The following EEF2KMT variants were observed in gnomAD, a reference collection of about 807,000 sequenced individuals.
The protein encoded by EEF2KMT is protein-lysine N-methyltransferase EEF2KMT.
EEF2KMT carries 30 observed loss-of-function variants against 35.1 expected under a neutral mutation model. The observed-to-expected ratio is 0.85, with a 90% CI of 0.64 to 1.16. The LOEUF (loss-of-function observed/expected upper bound fraction) is 1.16. EEF2KMT is among the 50% of genes most tolerant of loss of function. The pLI, the probability that EEF2KMT is intolerant of heterozygous loss-of-function variation, is 0.00. For synonymous variants in EEF2KMT, 190 were observed against 187.7 expected (o/e 1.01, Z -0.10); for missense variants, 499 against 438.2 (o/e 1.14, Z -1.24).
At position 5,090,083 on chromosome 16, in the gene EEF2KMT, C is replaced by T. The variant is rs752139712; in HGVS notation, c.742+1G>A. 3.6e-5 allele frequency: 58 copies of T among 1,603,874 alleles called. 1 individual carries two copies. In the South Asian group the frequency reaches 6.3e-4, roughly 17 times the overall value. ...ACAGGGTGCCCGGGGCTGGGCATTA[C>T]CTGCTGCAATGACAACATCTGGCTG... On this transcript the variant is annotated splice_donor_variant, in intron 6 of 7. Transcript: ENST00000427587. LOFTEE classifies it high-confidence loss of function. This position sits in a 1 kb window ranked among gnomAD's most constrained non-coding sequence, Gnocchi z 4.1.
At chr16:5,093,336 G>A in intron 3 of EEF2KMT, 148 bp downstream of exon 3, 1 of 1,233,184 alleles carries the variant, frequency 8.1e-7, no homozygotes, top group South Asian at 1.3e-5. Context: ...GTCTCCCATG[G>A]GTCACATGTG....
chr16:5,095,083 G>T (rs1957426646), intron 2 of EEF2KMT, among the ~76,000 whole-genome samples: 1 of 152,212 alleles, frequency 6.6e-6, no homozygotes, highest in Admixed American at 6.5e-5. Flanking sequence ...AGAGGAGACA[G>T]GAGTGGGCAG....
chr16:5,094,969 G>C (rs1477028712), intron 2 of EEF2KMT, among the ~76,000 whole-genome samples: 2 of 152,332 alleles, frequency 1.3e-5, no homozygotes, highest in South Asian at 4.1e-4. Context: ...CAAGGCCAAG[G>C]TCAGGCTGTG....
Position 5,089,417 on chromosome 16 carries a change from A to G in EEF2KMT, c.743-161T>C, listed in dbSNP as rs1330284373. On this transcript the variant is annotated intron_variant, in intron 6 of 7. Transcript: ENST00000427587. ...AGATGGAAAGGCAATTACTTGGGTG[A>G]AAAAGGAGAACCCTTAGTAGAGAAA... 5.2e-6 allele frequency: 5 copies of G among 965,382 alleles called. No individual in the cohort carries two copies. In the East Asian group the frequency reaches 1.1e-4, roughly 20 times the overall value. The allele number at this position is 965,382 out of a possible 1,614,324, so 59.8% of individuals were successfully genotyped here.
chr16:5,084,917 C>T lies in EEF2KMT; in HGVS notation c.*715G>A. The stretch of plus-strand genomic sequence containing the variant: ...AGAGGCTAAAACCCCAGGACCCCTG[C>T]TGTCCTTCCCGCAGCTTCTTCTTGG... On this transcript the variant is annotated 3_prime_UTR_variant, in exon 8 of 8. Transcript: ENST00000427587. 8 of 1,596,416 alleles carry T rather than the reference C, an allele frequency of 5.0e-6. No individual in the cohort carries two copies. Among genetic ancestry groups the T allele is most frequent in the Non-Finnish European group, 6.8e-6 (8 of 1,179,746 alleles).
At chr16:5,094,047 G>A (rs1421133168) in intron 2 of EEF2KMT, among the ~76,000 whole-genome samples, 4 of 152,138 alleles carry the variant, frequency 2.6e-5, no homozygotes, top group Non-Finnish European at 5.9e-5. Context: ...TCTAGGCAGT[G>A]GGAACAGCTG....
rs1416938172 is a variant in EEF2KMT at position 5,085,739 on chromosome 16, A to G, written c.893-7T>C. ...CATCTGATCCCGGCCCGGCCTGGAA[A>G]CAGAGCACATGTGTTTGAGGATGGC... is the stretch of plus-strand genomic sequence containing the variant. On this transcript the variant is annotated splice_region_variant and splice_polypyrimidine_tract_variant and intron_variant, in intron 7 of 7. Coordinates refer to ENST00000427587, the MANE Select transcript of EEF2KMT (RefSeq NM_201400.4). 6.2e-7 allele frequency: 1 copy of G among 1,605,246 alleles called. No individual in the cohort carries two copies. The highest frequency in any genetic ancestry group is 1.3e-5 in the African/African-American group (1 of 74,804).
rs567049749 is a variant in EEF2KMT, at chr16:5,089,087, G to C, written c.892+20C>G. On this transcript the variant is annotated intron_variant, in intron 7 of 7. Coordinates refer to ENST00000427587, the MANE Select transcript of EEF2KMT (RefSeq NM_201400.4). Reference sequence around the variant, plus strand: ...GACAGCTCAGGGACCATGCAGGCCCGGGTGGGCGTGGAGGCTCACCTAGCT... The same window carrying C: ...GACAGCTCAGGGACCATGCAGGCCCCGGTGGGCGTGGAGGCTCACCTAGCT... 46 of 1,611,796 alleles carry C rather than the reference G, an allele frequency of 2.9e-5. No individual in the cohort carries two copies. The highest frequency in any genetic ancestry group is 1.3e-4 in the African/African-American group (10 of 74,896).
chr16:5,093,372 C>G (rs1191765360), intron 3 of EEF2KMT, 112 bp downstream of exon 3: 8 of 1,545,734 alleles, frequency 5.2e-6, no homozygotes, highest in Non-Finnish European at 6.2e-6. Flanking sequence ...CTGGGGAGGC[C>G]CCTGCCATGC....
In EEF2KMT at chr16:5,090,575, G is replaced by A. The variant is rs754521245; in HGVS notation, c.343-10C>T. On this transcript the variant is annotated splice_polypyrimidine_tract_variant and intron_variant, in intron 4 of 7. Coordinates refer to ENST00000427587, the MANE Select transcript of EEF2KMT (RefSeq NM_201400.4). The surrounding 1 kb of genome is among the most constrained non-coding windows in gnomAD (Gnocchi z 4.1). ...CCGAGCCTCCCGAGGGCTGCACCAA[G>A]AGAAGGCGAGAGAGTCAGTCCAGCG... The A allele has an allele frequency of 6.2e-7, 1 of 1,611,828 alleles. No individual in the cohort carries two copies. Among genetic ancestry groups the A allele is most frequent in the African/African-American group, 1.3e-5 (1 of 74,864 alleles).
intron 7 of EEF2KMT, among the ~76,000 whole-genome samples, chr16:5,088,143 T>A (rs2142752849): frequency 6.6e-6 from 1 of 152,194 alleles, no homozygotes; most frequent in South Asian, 2.1e-4. Flanking sequence ...GGTCCCACTA[T>A]GTGGCCCAGG....
At chr16:5,089,052 G>A (rs1432452670) in intron 7 of EEF2KMT, 55 bp downstream of exon 7, 18 of 1,609,204 alleles carry the variant, frequency 1.1e-5, no homozygotes, top group South Asian at 9.9e-5. Context: ...TTCCACTGGC[G>A]TCCTGCAGGG....
At chr16:5,091,278 C>T (rs1293445578) in intron 4 of EEF2KMT, among the ~76,000 whole-genome samples, 3 of 152,182 alleles carry the variant, frequency 2.0e-5, no homozygotes, top group Admixed American at 6.5e-5. Context: ...GATGGAGTTT[C>T]ACCATGTTGG....
chr16:5,084,333 A>G lies in EEF2KMT; in HGVS notation c.*1299T>C, dbSNP rs553994403. On this transcript the variant is annotated 3_prime_UTR_variant, in exon 8 of 8. Coordinates refer to ENST00000427587, the MANE Select transcript of EEF2KMT (RefSeq NM_201400.4). ...TTCCAATAAAACTTTATTTACAAAC[A>G]CAGGCTGTGGGCTGGATTTGGCCTG... 3 of 368,458 alleles carry G rather than the reference A, an allele frequency of 8.1e-6. No homozygotes were observed. Among genetic ancestry groups the G allele is most frequent in the African/African-American group, 2.1e-5 (1 of 48,074 alleles). The allele number at this position is 368,458 out of a possible 1,614,324, so 22.8% of individuals were successfully genotyped here. A position where few individuals can be genotyped will look rare whatever the true frequency, so the allele number is the denominator to read the frequency against.
rs1063200 is a variant in EEF2KMT, at chr16:5,085,059, T to C, written c.*573A>G. 2 of 1,184,818 alleles carry C rather than the reference T, an allele frequency of 1.7e-6. 1 individual carries two copies. Among genetic ancestry groups the C allele is most frequent in the South Asian group, 2.8e-5 (2 of 71,628 alleles). 73.4% of individuals were successfully genotyped at this position (1,184,818 alleles called of 1,614,324 possible). A position where few individuals can be genotyped will look rare whatever the true frequency, so the allele number is the denominator to read the frequency against. The stretch of plus-strand genomic sequence containing the variant: ...GTGACCCGGGAAGCTTTGGTTGGCC[T>C]TGATTTCTTCTCTGGAGGCTTGGAA... On this transcript the variant is annotated 3_prime_UTR_variant, in exon 8 of 8. Coordinates refer to ENST00000427587, the MANE Select transcript of EEF2KMT (RefSeq NM_201400.4).
Position 5,091,860 on chromosome 16 carries a change from C to T in EEF2KMT, c.276G>A (p.Leu92=). 3.1e-6 allele frequency: 5 copies of T among 1,611,960 alleles called. No homozygotes were observed. The highest frequency in any genetic ancestry group is 4.2e-6 in the Non-Finnish European group (5 of 1,179,796). The change falls in exon 4 of 8, where the codon CTG becomes CTA. Residue 92 remains leucine (L), a synonymous_variant. Transcript: ENST00000427587. ...EAVHTEPLDE[L]YEALAETLMA... ...TCAGGGTCTCCGCCAGCGCTTCATA[C>T]AGCTCGTCCAAAGGCTCTGTGTGGA...
chr16:5,094,014 A>G (rs1596279507), intron 2 of EEF2KMT, among the ~76,000 whole-genome samples: 1 of 152,242 alleles, frequency 6.6e-6, no homozygotes, highest in Non-Finnish European at 1.5e-5. Context: ...AGCCCAGAGA[A>G]GCCAAATGCA....
intron 2 of EEF2KMT, among the ~76,000 whole-genome samples, chr16:5,094,999 C>T (rs1313395597): frequency 1.3e-5 from 2 of 152,202 alleles, no homozygotes; most frequent in African/African-American, 2.4e-5. Context: ...GGTGGTGATC[C>T]TGCCTCTCAC....
In EEF2KMT at chr16:5,090,608, G is replaced by A. The variant is rs1487945761; in HGVS notation, c.343-43C>T. ...GAGAGAGTCAGTCCAGCGATCAGAAGGCAAGTGGCTTAGAAGACAAGTAGC... is the reference window on the plus strand; with the variant it reads ...GAGAGAGTCAGTCCAGCGATCAGAAAGCAAGTGGCTTAGAAGACAAGTAGC... On this transcript the variant is annotated intron_variant, in intron 4 of 7. Coordinates refer to ENST00000427587, the MANE Select transcript of EEF2KMT (RefSeq NM_201400.4). The surrounding 1 kb of genome is among the most constrained non-coding windows in gnomAD (Gnocchi z 4.1). 2.5e-6 allele frequency: 4 copies of A among 1,611,218 alleles called. No individual in the cohort carries two copies. Among genetic ancestry groups the A allele is most frequent in the Non-Finnish European group, 3.4e-6 (4 of 1,179,318 alleles).
Sources: allele counts gnomAD v4.1 joint callset (sites outside exome capture counted in the v4.1 genomes callset), GRCh38; gene constraint gnomAD v4.1.1; non-coding constraint Gnocchi (gnomAD v3.1); transcripts MANE v1.5; gene names NCBI Gene and HGNC (gene_info 2026-07-23, HGNC 2026-07-21).